Variants in LHX9 observed in about 807,000 individuals in gnomAD.
LHX9 encodes LIM homeobox 9.
A neutral mutation model predicts 36.5 loss-of-function variants in LHX9; 9 were observed. The observed-to-expected ratio is 0.25, with a 90% CI of 0.15 to 0.43. LHX9 has a LOEUF of 0.43. LHX9 is among the 20% of genes least tolerant of loss of function. LHX9 has a pLI of 1.00. For missense variants in LHX9, 464 were observed against 526.4 expected (o/e 0.88, Z 1.16); for synonymous variants, 211 against 212.1 (o/e 0.99, Z 0.04).
chr1:197,917,871 C>T lies in LHX9; in HGVS notation c.48C>T (p.Arg16=), dbSNP rs148027167. 60 of 1,614,184 alleles carry T rather than the reference C, an allele frequency of 3.7e-5. No homozygotes were observed. The highest frequency in any genetic ancestry group is 2.5e-4 in the African/African-American group (19 of 75,040). The part of the protein sequence containing the change: ...CRAEDNSCPF[R]PPAMLFHGIS... ...CAGAAGACAACTCGTGTCCTTTCCG[C>T]CCCCCAGCCATGCTCTTTCACGGGA... Residue 16 remains arginine (R), a synonymous_variant, in exon 1 of 5, where the codon CGC becomes CGT. Transcript: ENST00000367387.
At chr1:197,927,861 C>G in intron 4 of LHX9, 68 bp downstream of exon 4, 2 of 1,365,414 alleles carry the variant, frequency 1.5e-6, no homozygotes, top group Non-Finnish European at 2.1e-6. Context: ...TAGTGCTCTT[C>G]CCTGGTTAGA....
rs1429597707 is a variant in LHX9 at position 197,933,238 on chromosome 1, AC to A, written c.*3980del. On this transcript the variant is annotated 3_prime_UTR_variant, in exon 5 of 5. Coordinates refer to ENST00000367387, the MANE Select transcript of LHX9 (RefSeq NM_020204.3). ...AAATGAACCCTATGTAAATGATGTA[AC>A]TTTTATGAATGACAGACATTAAATA... is the stretch of plus-strand genomic sequence containing the variant. 2 of 152,144 alleles carry A rather than the reference AC, an allele frequency of 1.3e-5. No individual in the cohort carries two copies. Among genetic ancestry groups the A allele is most frequent in the Non-Finnish European group, 2.9e-5 (2 of 68,004 alleles). The allele number at this position is 152,144 out of a possible 1,614,324, so 9.4% of individuals were successfully genotyped here.
chr1:197,916,569 C>A, upstream of LHX9: 1 of 664,570 alleles, frequency 1.5e-6, no homozygotes, highest in Middle Eastern at 3.2e-4. Context: ...GAGAATAAGC[C>A]GCCCTATGGC....
chr1:197,916,440 C>G (rs774366650), upstream of LHX9: 1 of 554,222 alleles, frequency 1.8e-6, no homozygotes, highest in Non-Finnish European at 3.2e-6. Context: ...GGCTAGCGCC[C>G]AGTCCTGCGG....
Position 197,917,529 on chromosome 1 carries a change from G to A in LHX9, c.-295G>A. The stretch of plus-strand genomic sequence containing the variant: ...TGCAGTTGTTTCCCATTAGTAACTC[G>A]ATCTCTCAGAGCAGTAAGATTCGCC... On this transcript the variant is annotated 5_prime_UTR_variant, in exon 1 of 5. Transcript: ENST00000367387. 1 of 1,429,564 alleles carries A rather than the reference G, an allele frequency of 7.0e-7. No homozygotes were observed. Among genetic ancestry groups the A allele is most frequent in the Non-Finnish European group, 9.3e-7 (1 of 1,070,166 alleles). 88.6% of individuals were successfully genotyped at this position (1,429,564 alleles called of 1,614,324 possible).
Position 197,920,026 on chromosome 1 carries a change from A to G in LHX9, c.229A>G (p.Lys77Glu), listed in dbSNP as rs1254613146. Reference sequence around the variant, plus strand: ...CGCCCTGTGCGCCGGCTGCGGGGGCAAGATCTCGGACAGGTACTATCTGCT... The same window carrying G: ...CGCCCTGTGCGCCGGCTGCGGGGGCGAGATCTCGGACAGGTACTATCTGCT... The part of the protein sequence containing the change: ...KPALCAGCGG[K>E]ISDRYYLLAV... The change falls in exon 2 of 5, where the codon AAG becomes GAG. Residue 77 changes from lysine (K) to glutamate (E), a missense_variant. By Grantham distance (56) the Lys-to-Glu change is moderately conservative (BLOSUM62 1). Coordinates refer to ENST00000367387, the MANE Select transcript of LHX9 (RefSeq NM_020204.3). The G allele has an allele frequency of 6.2e-7, 1 of 1,614,242 alleles. No homozygotes were observed. The highest frequency in any genetic ancestry group is 1.1e-5 in the South Asian group (1 of 91,090).
chr1:197,913,701 C>A (rs888749408), upstream of LHX9, among the ~76,000 whole-genome samples: 4 of 152,122 alleles, frequency 2.6e-5, no homozygotes, highest in African/African-American at 4.8e-5. Flanking sequence ...CAGGACAGTG[C>A]CAGACGCTGG....
At position 197,933,603 on chromosome 1, in the gene LHX9, C is replaced by T. The variant is rs1335524857; in HGVS notation, c.*4344C>T. The T allele has an allele frequency of 1.3e-5, 2 of 151,990 alleles. No individual in the cohort carries two copies. Among genetic ancestry groups the T allele is most frequent in the Non-Finnish European group, 2.9e-5 (2 of 67,994 alleles). The allele number at this position is 151,990 out of a possible 1,614,324, so 9.4% of individuals were successfully genotyped here. On this transcript the variant is annotated 3_prime_UTR_variant, in exon 5 of 5. Coordinates refer to ENST00000367387, the MANE Select transcript of LHX9 (RefSeq NM_020204.3). ...AATTTCATTTAGAAGTATTTTGGAA[C>T]TTCGCCTGGTTTTACAGACCTTTAA...
upstream of LHX9, among the ~76,000 whole-genome samples, chr1:197,914,721 A>AC (rs1239809737): frequency 1.3e-5 from 2 of 151,828 alleles, no homozygotes; most frequent in Non-Finnish European, 2.9e-5. Context: ...ACTCCAGCTG[A>AC]CCCCCACCCC....
At chr1:197,923,251 T>A (rs1660044057) in intron 3 of LHX9, among the ~76,000 whole-genome samples, 1 of 152,214 alleles carries the variant, frequency 6.6e-6, no homozygotes, top group Non-Finnish European at 1.5e-5. Flanking sequence ...CCAGGGTCGG[T>A]CAATCTGTGT....
chr1:197,932,084 A>G lies in LHX9; in HGVS notation c.*2825A>G, dbSNP rs566365675. The G allele has an allele frequency of 2.7e-4, 195 of 726,038 alleles. No individual in the cohort carries two copies. In the African/African-American group the frequency reaches 3.1e-3, roughly 11 times the overall value. The allele number at this position is 726,038 out of a possible 1,614,324, so 45.0% of individuals were successfully genotyped here. ...TAAAAAATTTATTAAGCCAAAAAAA[A>G]AGAGAGAGAGAGAGACTTAAATGTC... On this transcript the variant is annotated 3_prime_UTR_variant, in exon 5 of 5. Coordinates refer to ENST00000367387, the MANE Select transcript of LHX9 (RefSeq NM_020204.3).
intron 2 of LHX9, among the ~76,000 whole-genome samples, chr1:197,920,410 T>A (rs1659945871): frequency 6.6e-6 from 1 of 152,134 alleles, no homozygotes; most frequent in South Asian, 2.1e-4. Flanking sequence ...TACCACGCAC[T>A]CCCATCACTT....
upstream of LHX9, among the ~76,000 whole-genome samples, chr1:197,914,876 T>C (rs867482232): frequency 3.9e-5 from 6 of 152,296 alleles, no homozygotes; most frequent in East Asian, 5.8e-4. Flanking sequence ...AGGATTCAAC[T>C]TGGAAACTGA....
In LHX9 at chr1:197,917,397, T is replaced by A. The variant is rs772548571; in HGVS notation, c.-427T>A. 24 of 1,308,054 alleles carry A rather than the reference T, an allele frequency of 1.8e-5. No individual in the cohort carries two copies. The highest frequency in any genetic ancestry group is 2.3e-5 in the Non-Finnish European group (23 of 991,754). 81.0% of individuals were successfully genotyped at this position (1,308,054 alleles called of 1,614,324 possible). A position where few individuals can be genotyped will look rare whatever the true frequency, so the allele number is the denominator to read the frequency against. ...AGTCCCCAACCCAATCTACAGGCAC[T>A]GGGAACTTGCAAGCAGCCAGGGAAC... On this transcript the variant is annotated 5_prime_UTR_variant, in exon 1 of 5. Coordinates refer to ENST00000367387, the MANE Select transcript of LHX9 (RefSeq NM_020204.3).
At chr1:197,927,866 G>A (rs964268606) in intron 4 of LHX9, 73 bp downstream of exon 4, 62 of 1,306,778 alleles carry the variant, frequency 4.7e-5, no homozygotes, top group Non-Finnish European at 6.6e-5. Flanking sequence ...CTCTTCCCTG[G>A]TTAGAGTGAC....
At chr1:197,912,691 T>C (rs1164213179), upstream of LHX9, 6 of 959,346 alleles carry the variant, frequency 6.3e-6, no homozygotes, top group Non-Finnish European at 8.5e-6. Context: ...GTCTTAAAAA[T>C]TAAACCGCGC....
upstream of LHX9, chr1:197,917,104 GT>G: frequency 5.7e-6 from 1 of 174,988 alleles, no homozygotes; most frequent in Non-Finnish European, 1.1e-5. Context: ...GTGTGTGTGT[GT>G]GTGTGTGTGT....
At chr1:197,916,785 T>A (rs753339974), upstream of LHX9, 1 of 702,940 alleles carries the variant, frequency 1.4e-6, no homozygotes, top group South Asian at 1.5e-5. Flanking sequence ...AGACAGCTGC[T>A]TTTAAAAGTG....
Position 197,927,787 on chromosome 1 carries a change from T to C in LHX9, c.930T>C (p.Val310=). ...AGAAAACAGGTCTGACCAAAAGAGTTTTGCAGGTAAGACACATGCATCATT... is the reference window on the plus strand; with the variant it reads ...AGAAAACAGGTCTGACCAAAAGAGTCTTGCAGGTAAGACACATGCATCATT... ...LAQKTGLTKR[V]LQVWFQNARA... is the part of the protein sequence containing the mutation. The change falls in exon 4 of 5, where the codon GTT becomes GTC. Residue 310 remains valine (V), a synonymous_variant. Transcript: ENST00000367387. 6.2e-7 allele frequency: 1 copy of C among 1,614,126 alleles called. No individual in the cohort carries two copies. Among genetic ancestry groups the C allele is most frequent in the Non-Finnish European group, 8.5e-7 (1 of 1,179,954 alleles).
Sources: allele counts gnomAD v4.1 joint callset (sites outside exome capture counted in the v4.1 genomes callset), GRCh38; gene constraint gnomAD v4.1.1; transcripts MANE v1.5; gene names NCBI Gene and HGNC (gene_info 2026-07-23, HGNC 2026-07-21).